Variants in CACNA2D1 observed in about 807,000 individuals in gnomAD.
CACNA2D1 encodes the protein calcium voltage-gated channel auxiliary subunit alpha2delta 1.
Under a neutral mutation model 171.5 loss-of-function variants are expected in CACNA2D1, and 53 were observed. The ratio of observed to expected loss-of-function variants is 0.31; its 90% CI spans 0.25 to 0.39. The LOEUF (loss-of-function observed/expected upper bound fraction) is 0.39. Ranked by LOEUF, CACNA2D1 falls within the 10% of genes least tolerant of loss-of-function variation. The pLI, the probability that CACNA2D1 is intolerant of heterozygous loss-of-function variation, is 1.00. For synonymous variants in CACNA2D1, 442 were observed against 443.1 expected, an observed-to-expected ratio of 1.00 and a Z score of 0.03; for missense variants, 903 against 1,299.8, an observed-to-expected ratio of 0.69 and a Z score of 4.69.
chr7:82,002,042 A>AAAAAAGAG (rs1345439249), intron 18 of CACNA2D1, among the ~76,000 whole-genome samples: 2 of 140,860 alleles, frequency 1.4e-5, no homozygotes, highest in Non-Finnish European at 3.1e-5. Context: ...AAAAAAAAAA[A>AAAAAAGAG]AGAGAGAGAG....
chr7:82,230,160 T>C (rs1802777451), intron 3 of CACNA2D1, among the ~76,000 whole-genome samples: 2 of 152,190 alleles, frequency 1.3e-5, no homozygotes, highest in Admixed American at 1.3e-4. Context: ...AGTCCCTCCT[T>C]TGTGCTCCCT....
chr7:82,113,080 CCTTA>C (rs1438704542), intron 6 of CACNA2D1, among the ~76,000 whole-genome samples: 2 of 151,938 alleles, frequency 1.3e-5, no homozygotes, highest in African/African-American at 4.8e-5. Flanking sequence ...ATAATAATTG[CCTTA>C]CTTAAATTAT....
chr7:81,963,528 G>A (rs1374173871), intron 34 of CACNA2D1, among the ~76,000 whole-genome samples: 1 of 151,922 alleles, frequency 6.6e-6, no homozygotes, highest in Non-Finnish European at 1.5e-5. Flanking sequence ...TACAGGTGAG[G>A]GTTGAGGGAG....
At chr7:82,152,959 A>G (rs1232738379) in intron 4 of CACNA2D1, among the ~76,000 whole-genome samples, 3 of 151,586 alleles carry the variant, frequency 2.0e-5, no homozygotes, top group Non-Finnish European at 4.4e-5. Flanking sequence ...TTTCGAGAAC[A>G]TTCATAAGAG....
At chr7:81,981,569 A>C (rs571871579) in intron 24 of CACNA2D1, among the ~76,000 whole-genome samples, 1 of 152,222 alleles carries the variant, frequency 6.6e-6, no homozygotes, top group Admixed American at 6.5e-5. Flanking sequence ...GAATAATTTA[A>C]GAAAAGTGAA....
At chr7:82,070,929 A>G (rs964566737) in intron 7 of CACNA2D1, among the ~76,000 whole-genome samples, 1 of 152,208 alleles carries the variant, frequency 6.6e-6, no homozygotes, top group Non-Finnish European at 1.5e-5. Context: ...GGAGATGAGG[A>G]TAAGCTAAAT....
intron 3 of CACNA2D1, among the ~76,000 whole-genome samples, chr7:82,245,955 T>A (rs1399941875): frequency 1.3e-5 from 2 of 152,102 alleles, no homozygotes; most frequent in African/African-American, 4.8e-5. Flanking sequence ...CCTCACCTCA[T>A]TAAAGGTCTG....
intron 3 of CACNA2D1, among the ~76,000 whole-genome samples, chr7:82,198,264 G>A (rs1799052890): frequency 6.6e-6 from 1 of 152,098 alleles, no homozygotes; most frequent in Non-Finnish European, 1.5e-5. Context: ...AGAAGCAGTA[G>A]GATGGGAGGA....
At chr7:82,159,325 T>TA (rs1485072212) in intron 4 of CACNA2D1, among the ~76,000 whole-genome samples, 7 of 151,848 alleles carry the variant, frequency 4.6e-5, no homozygotes, top group African/African-American at 1.2e-4. Context: ...GCTTGAATGC[T>TA]AAAAAAACTG....
intron 4 of CACNA2D1, among the ~76,000 whole-genome samples, chr7:82,160,454 T>G (rs771275854): frequency 6.6e-6 from 1 of 152,070 alleles, no homozygotes; most frequent in African/African-American, 2.4e-5. Flanking sequence ...CTGTCAGAAT[T>G]TTTATTATTA....
chr7:82,218,244 TTTA>T (rs1270512276), intron 3 of CACNA2D1, among the ~76,000 whole-genome samples: 2 of 152,142 alleles, frequency 1.3e-5, no homozygotes, highest in Non-Finnish European at 2.9e-5. Flanking sequence ...GACTACATTA[TTTA>T]TTATTTAACT....
intron 38 of CACNA2D1, 110 bp from the exon 39 acceptor site, chr7:81,950,618 C>T: frequency 7.0e-7 from 1 of 1,431,330 alleles, no homozygotes; most frequent in Non-Finnish European, 9.3e-7. Flanking sequence ...ACTTTCTGAA[C>T]TTACCTTATA....
intron 1 of CACNA2D1, chr7:82,410,462 A>C: frequency 1.0e-6 from 1 of 974,096 alleles, no homozygotes; most frequent in Non-Finnish European, 1.2e-6. Context: ...AGCCTTAAGA[A>C]AAAACTAACG....
rs1005102496 is a variant in CACNA2D1 at position 82,295,594 on chromosome 7, G to A, written c.294+39541C>T. Reference sequence around the variant, plus strand: ...TAGTCTCGAACTCCTGAACTCAAGCGATCCTCCCATCTCAGCCTCCCAAAG... The same window carrying A: ...TAGTCTCGAACTCCTGAACTCAAGCAATCCTCCCATCTCAGCCTCCCAAAG... On this transcript the variant is annotated intron_variant, in intron 3 of 38. Coordinates refer to ENST00000356860, the MANE Select transcript of CACNA2D1 (RefSeq NM_000722.4). 4.6e-5 allele frequency among the ~76,000 whole-genome samples: 7 copies of A among 151,472 alleles called. No individual in the cohort carries two copies. The East Asian group carries it at 5.8e-4, about 13-fold the overall frequency.
At chr7:82,126,872 A>C (rs1790386385) in intron 5 of CACNA2D1, among the ~76,000 whole-genome samples, 1 of 152,166 alleles carries the variant, frequency 6.6e-6, no homozygotes, top group Non-Finnish European at 1.5e-5. Context: ...CACCCAAATA[A>C]AGCTTTCTTC....
At chr7:82,101,871 GTGTAAC>G (rs895220616) in intron 6 of CACNA2D1, among the ~76,000 whole-genome samples, 4 of 152,070 alleles carry the variant, frequency 2.6e-5, no homozygotes, top group Non-Finnish European at 4.4e-5. Flanking sequence ...AAATTAAGTG[GTGTAAC>G]TGTATCAGTA....
rs540034210 is a variant in CACNA2D1, at chr7:82,155,568, A to G, written c.354+14982T>C. 5.3e-5 allele frequency among the ~76,000 whole-genome samples: 8 copies of G among 152,146 alleles called. No homozygotes were observed. In the East Asian group the frequency reaches 1.6e-3, roughly 29 times the overall value. On this transcript the variant is annotated intron_variant, in intron 4 of 38. Transcript: ENST00000356860. ...CTAACTATAAGAATAATAAATCCTAACTCTCTCAACTTCTGTATGAAAAGG... is the reference window on the plus strand; with the variant it reads ...CTAACTATAAGAATAATAAATCCTAGCTCTCTCAACTTCTGTATGAAAAGG...
intron 1 of CACNA2D1, among the ~76,000 whole-genome samples, chr7:82,353,430 G>C (rs1165264808): frequency 6.6e-6 from 1 of 152,104 alleles, no homozygotes; most frequent in African/African-American, 2.4e-5. Context: ...GTTTGGGGGA[G>C]GCTCAAGTAT....
intron 38 of CACNA2D1, 58 bp from the exon 39 acceptor site, chr7:81,950,566 AT>A: frequency 1.8e-5 from 28 of 1,544,338 alleles, no homozygotes; most frequent in Non-Finnish European, 2.4e-5. Context: ...ATCTTGAAAA[AT>A]ATTTAGTAAC....
Sources: allele counts gnomAD v4.1 joint callset (sites outside exome capture counted in the v4.1 genomes callset), GRCh38; gene constraint gnomAD v4.1.1; transcripts MANE v1.5; gene names NCBI Gene and HGNC (gene_info 2026-07-23, HGNC 2026-07-21).